GFOD1: variants seen among roughly 807,000 people sequenced by gnomAD.
The protein encoded by GFOD1 is Gfo/Idh/MocA-like oxidoreductase domain containing 1, also known as glucose-fructose oxidoreductase domain-containing protein 1.
A neutral mutation model predicts 25.4 loss-of-function variants in GFOD1; 9 were observed. That is an observed-to-expected ratio of 0.35 (90% CI 0.21 to 0.62). The LOEUF is 0.62. Ranked by LOEUF, GFOD1 falls within the 20% of genes least tolerant of loss-of-function variation. GFOD1 has a pLI of 0.72. For missense variants in GFOD1, 403 were observed against 556.9 expected (o/e 0.72, Z 2.78); for synonymous variants, 253 against 245.6 (o/e 1.03, Z -0.28).
At chr6:13,433,788 C>T (rs1369128765) in intron 1 of GFOD1, among the ~76,000 whole-genome samples, 1 of 152,122 alleles carries the variant, frequency 6.6e-6, no homozygotes, top group East Asian at 1.9e-4. Context: ...AACAGCTTCA[C>T]CCAGAATGCC....
At chr6:13,390,785 A>AAGGAAGGAAGGG (rs1181787400) in intron 1 of GFOD1, among the ~76,000 whole-genome samples, 1 of 117,652 alleles carries the variant, frequency 8.5e-6, no homozygotes, top group Non-Finnish European at 1.8e-5. Context: ...GAGAGAAAGG[A>AAGGAAGGAAGGG]AGGAAGGAAG....
chr6:13,441,225 A>G (rs1201901361), intron 1 of GFOD1, among the ~76,000 whole-genome samples: 1 of 152,146 alleles, frequency 6.6e-6, no homozygotes, highest in Non-Finnish European at 1.5e-5. Flanking sequence ...ATGAGGGTCC[A>G]CCCTGGACAT....
intron 1 of GFOD1, among the ~76,000 whole-genome samples, chr6:13,384,467 T>G (rs1785426459): frequency 6.6e-6 from 1 of 152,204 alleles, no homozygotes. Context: ...TATTCCAGAA[T>G]GTCTGCGTCC....
chr6:13,373,609 C>T (rs762386193), intron 1 of GFOD1, among the ~76,000 whole-genome samples: 5 of 152,024 alleles, frequency 3.3e-5, no homozygotes, highest in Non-Finnish European at 7.4e-5. Flanking sequence ...TATAATCCCT[C>T]CATCCCTGCA....
At chr6:13,434,330 G>A (rs56144320) in intron 1 of GFOD1, among the ~76,000 whole-genome samples, 1 of 149,108 alleles carries the variant, frequency 6.7e-6, no homozygotes, top group African/African-American at 2.5e-5. Flanking sequence ...AGGGCATTAT[G>A]GGAATATAGA....
chr6:13,482,714 C>A (rs988752842), intron 1 of GFOD1, among the ~76,000 whole-genome samples: 1 of 151,936 alleles, frequency 6.6e-6, no homozygotes, highest in Non-Finnish European at 1.5e-5. Context: ...CACCATTGCA[C>A]CCCAGCCTGG....
At chr6:13,455,133 C>T (rs917916488) in intron 1 of GFOD1, among the ~76,000 whole-genome samples, 7 of 152,140 alleles carry the variant, frequency 4.6e-5, no homozygotes, top group East Asian at 1.9e-4. Context: ...CACCCACACA[C>T]GCACACACAC....
At chr6:13,482,443 A>C (rs527776734) in intron 1 of GFOD1, among the ~76,000 whole-genome samples, 1 of 152,108 alleles carries the variant, frequency 6.6e-6, no homozygotes, top group Non-Finnish European at 1.5e-5. Flanking sequence ...ACTGTGTAAA[A>C]GGTTTTTAAA....
At chr6:13,469,103 G>A (rs1253230574) in intron 1 of GFOD1, among the ~76,000 whole-genome samples, 2 of 152,166 alleles carry the variant, frequency 1.3e-5, no homozygotes, top group Non-Finnish European at 2.9e-5. Context: ...GGACTTCCCA[G>A]AACTCAGTTA....
intron 1 of GFOD1, among the ~76,000 whole-genome samples, chr6:13,448,418 G>T (rs1362296814): frequency 6.6e-6 from 1 of 152,092 alleles, no homozygotes; most frequent in Admixed American, 6.5e-5. Flanking sequence ...CCCCTATAAG[G>T]CACAGAGCAC....
At chr6:13,412,797 G>C (rs977077754) in intron 1 of GFOD1, among the ~76,000 whole-genome samples, 1 of 152,234 alleles carries the variant, frequency 6.6e-6, no homozygotes, top group African/African-American at 2.4e-5. Flanking sequence ...CTCCTTTGAA[G>C]CACAAAGGTT....
chr6:13,382,155 G>A (rs924612095), intron 1 of GFOD1, among the ~76,000 whole-genome samples: 1 of 152,130 alleles, frequency 6.6e-6, no homozygotes, highest in Non-Finnish European at 1.5e-5. Flanking sequence ...ATCTGGCTCT[G>A]TGTATCTGTG....
intron 1 of GFOD1, among the ~76,000 whole-genome samples, chr6:13,407,475 C>T (rs961247633): frequency 2.6e-5 from 4 of 152,190 alleles, no homozygotes; most frequent in African/African-American, 4.8e-5. Context: ...ATGCTGCCTA[C>T]TCCCAGGCTG....
intron 1 of GFOD1, among the ~76,000 whole-genome samples, chr6:13,432,693 C>T (rs72826948): frequency 2.6e-3 from 394 of 152,302 alleles, no homozygotes; most frequent in Middle Eastern, 0.01. Context: ...CCCAGCTACA[C>T]GGTTTCCCTT....
intron 1 of GFOD1, among the ~76,000 whole-genome samples, chr6:13,421,090 G>C (rs1049694889): frequency 6.6e-6 from 1 of 152,134 alleles, no homozygotes; most frequent in African/African-American, 2.4e-5. Context: ...ATATAACATT[G>C]TTATTTTGAA....
chr6:13,466,890 C>T (rs1391898471), intron 1 of GFOD1, among the ~76,000 whole-genome samples: 1 of 152,112 alleles, frequency 6.6e-6, no homozygotes, highest in Admixed American at 6.5e-5. Context: ...CAAGGCATGA[C>T]ACATTGGGCA....
intron 1 of GFOD1, among the ~76,000 whole-genome samples, chr6:13,404,249 C>G (rs915333011): frequency 6.6e-6 from 1 of 152,174 alleles, no homozygotes; most frequent in African/African-American, 2.4e-5. Flanking sequence ...CAGGCTCAGC[C>G]TTTTCTTGCA....
intron 1 of GFOD1, among the ~76,000 whole-genome samples, chr6:13,475,435 C>A (rs60148958): frequency 6.6e-6 from 1 of 151,256 alleles, no homozygotes; most frequent in Admixed American, 6.6e-5. Context: ...TTAGGCTGGG[C>A]GCGGTGGCTC....
intron 1 of GFOD1, among the ~76,000 whole-genome samples, chr6:13,374,389 C>T (rs6933761): frequency 0.025 from 3,851 of 151,050 alleles, 130 homozygotes; most frequent in African/African-American, 0.082. Context: ...CTGCAACCTC[C>T]GCCTCCCAGG....
Sources: allele counts gnomAD v4.1 joint callset (sites outside exome capture counted in the v4.1 genomes callset), GRCh38; gene constraint gnomAD v4.1.1; transcripts MANE v1.5; gene names NCBI Gene and HGNC (gene_info 2026-07-23, HGNC 2026-07-21).